CHRM3: variants seen among roughly 807,000 people sequenced by gnomAD.
The protein encoded by CHRM3 is cholinergic receptor muscarinic 3.
Under a neutral mutation model 41.8 loss-of-function variants are expected in CHRM3, and 11 were observed. The observed-to-expected ratio is 0.26, with a 90% CI of 0.17 to 0.44. CHRM3 has a LOEUF of 0.44. CHRM3 is among the 20% of genes least tolerant of loss of function. CHRM3 has a pLI of 1.00. For missense variants in CHRM3, 571 were observed against 745.4 expected (o/e 0.77, Z 2.72); for synonymous variants, 297 against 301.4 (o/e 0.99, Z 0.15).
At chr1:239,532,281 G>A (rs919363460) in intron 2 of CHRM3, among the ~76,000 whole-genome samples, 33 of 147,768 alleles carry the variant, frequency 2.2e-4, no homozygotes, top group Admixed American at 2.1e-3. Flanking sequence ...AAAGTGCTGG[G>A]ATTACAGGCG....
chr1:239,434,680 A>G (rs995224419), intron 1 of CHRM3, among the ~76,000 whole-genome samples: 1 of 152,204 alleles, frequency 6.6e-6, no homozygotes, highest in African/African-American at 2.4e-5. Flanking sequence ...CTTTCAATAT[A>G]CATCAATGAG....
chr1:239,551,196 C>T (rs1659787119), intron 3 of CHRM3, among the ~76,000 whole-genome samples: 1 of 117,660 alleles, frequency 8.5e-6, no homozygotes, highest in Non-Finnish European at 1.6e-5. Context: ...CGGTTTCACT[C>T]CTGTTGCCCA....
intron 6 of CHRM3, among the ~76,000 whole-genome samples, chr1:239,905,936 T>C (rs1031499639): frequency 6.6e-5 from 10 of 152,238 alleles, no homozygotes; most frequent in African/African-American, 1.2e-4. Flanking sequence ...ACTTTATATA[T>C]GTTAAAACAT....
chr1:239,577,209 C>T (rs534421932), intron 3 of CHRM3, among the ~76,000 whole-genome samples: 1 of 152,238 alleles, frequency 6.6e-6, no homozygotes, highest in African/African-American at 2.4e-5. Context: ...ATCCCACTCT[C>T]CCAGCCTTTT....
intron 1 of CHRM3, among the ~76,000 whole-genome samples, chr1:239,398,268 T>C (rs1303365027): frequency 1.3e-5 from 2 of 152,136 alleles, no homozygotes; most frequent in Admixed American, 6.6e-5. Context: ...TGGAGTTTCG[T>C]TCTTTCACCC....
At chr1:239,826,393 A>G (rs556421794) in intron 5 of CHRM3, among the ~76,000 whole-genome samples, 1 of 152,302 alleles carries the variant, frequency 6.6e-6, no homozygotes, top group Non-Finnish European at 1.5e-5. Context: ...ATACTTGAGT[A>G]TGACTGCAAA....
At chr1:239,742,738 T>C (rs895532207) in intron 5 of CHRM3, among the ~76,000 whole-genome samples, 1 of 152,098 alleles carries the variant, frequency 6.6e-6, no homozygotes, top group Non-Finnish European at 1.5e-5. Flanking sequence ...GTAGTAAAGA[T>C]GCAAATAAGA....
intron 5 of CHRM3, among the ~76,000 whole-genome samples, chr1:239,802,196 A>G (rs1161296347): frequency 1.3e-5 from 2 of 152,196 alleles, no homozygotes; most frequent in East Asian, 1.9e-4. Flanking sequence ...GACATGACTG[A>G]TATCATTGGT....
At chr1:239,824,033 G>C (rs1034639315) in intron 5 of CHRM3, among the ~76,000 whole-genome samples, 1 of 151,990 alleles carries the variant, frequency 6.6e-6, no homozygotes, top group Non-Finnish European at 1.5e-5. Flanking sequence ...GCTGTGACTC[G>C]GGAGCATGTG....
chr1:239,522,041 T>TTTTC (rs71166877), intron 2 of CHRM3, among the ~76,000 whole-genome samples: 71,943 of 150,052 alleles, frequency 0.48, 17,608 homozygotes, highest in Middle Eastern at 0.62. Flanking sequence ...TTTTCTTTTC[T>TTTTC]TTTTTGCCAT....
intron 5 of CHRM3, among the ~76,000 whole-genome samples, chr1:239,769,665 T>A (rs1320784778): frequency 2.6e-5 from 4 of 151,756 alleles, no homozygotes; most frequent in Non-Finnish European, 4.4e-5. Context: ...GTAGATCACC[T>A]GAAGTGAGGA....
At chr1:239,820,600 T>C (rs1322669564) in intron 5 of CHRM3, among the ~76,000 whole-genome samples, 3 of 152,112 alleles carry the variant, frequency 2.0e-5, no homozygotes, top group Non-Finnish European at 4.4e-5. Flanking sequence ...AGAAAGGTGA[T>C]TAGAGAGACT....
chr1:239,841,927 A>G (rs1673829814), intron 6 of CHRM3, among the ~76,000 whole-genome samples: 1 of 152,228 alleles, frequency 6.6e-6, no homozygotes, highest in Admixed American at 6.5e-5. Context: ...TCTGGAAAGA[A>G]ACTTAGAATT....
At chr1:239,404,078 C>G (rs192633409) in intron 1 of CHRM3, among the ~76,000 whole-genome samples, 3 of 147,180 alleles carry the variant, frequency 2.0e-5, no homozygotes, top group African/African-American at 7.5e-5. Flanking sequence ...GGGCGAATCA[C>G]GAGATCGAGA....
At chr1:239,837,402 G>A (rs1318771292) in intron 6 of CHRM3, among the ~76,000 whole-genome samples, 3 of 152,062 alleles carry the variant, frequency 2.0e-5, no homozygotes, top group Admixed American at 6.5e-5. Context: ...TGACATTACC[G>A]ATTACCTTTC....
At chr1:239,591,929 G>A (rs1345427903) in intron 3 of CHRM3, among the ~76,000 whole-genome samples, 1 of 152,142 alleles carries the variant, frequency 6.6e-6, no homozygotes, top group African/African-American at 2.4e-5. Flanking sequence ...GTTGGCTTAG[G>A]CCCAGGAAAT....
At chr1:239,401,559 C>T (rs567414911) in intron 1 of CHRM3, among the ~76,000 whole-genome samples, 29 of 151,724 alleles carry the variant, frequency 1.9e-4, no homozygotes, top group Non-Finnish European at 3.8e-4. Flanking sequence ...GGTGCAATCT[C>T]GGCTCACTGC....
intron 6 of CHRM3, among the ~76,000 whole-genome samples, chr1:239,854,423 T>G (rs1300517951): frequency 1.3e-5 from 2 of 152,134 alleles, no homozygotes; most frequent in Non-Finnish European, 2.9e-5. Context: ...TGAGTCTTAT[T>G]CATGGTCTTC....
At chr1:239,491,613 C>A (rs1420765863) in intron 1 of CHRM3, among the ~76,000 whole-genome samples, 1 of 152,132 alleles carries the variant, frequency 6.6e-6, no homozygotes, top group East Asian at 1.9e-4. Flanking sequence ...GATTCTATGT[C>A]TTGGCTATTG....
Sources: gnomAD v4.1 joint callset for allele counts (sites outside exome capture counted in the v4.1 genomes callset) on GRCh38, gnomAD v4.1.1 for gene constraint, MANE v1.5 for transcripts, NCBI Gene and HGNC (gene_info 2026-07-23, HGNC 2026-07-21) for gene names.